The following MTRR variants were observed in gnomAD, a reference collection of about 807,000 sequenced individuals.
The protein encoded by MTRR is 5-methyltetrahydrofolate-homocysteine methyltransferase reductase.
MTRR carries 63 observed loss-of-function variants against 79.2 expected under a neutral mutation model. The observed-to-expected ratio is 0.80, with a 90% CI of 0.65 to 0.98. The LOEUF is 0.98. Ranked by LOEUF, MTRR falls within the 50% of genes least tolerant of loss-of-function variation. The pLI, the probability that MTRR is intolerant of heterozygous loss-of-function variation, is 0.00. For missense variants in MTRR, 895 were observed against 839.6 expected, an observed-to-expected ratio of 1.07 and a Z score of -0.82; for synonymous variants, 355 against 313.3, an observed-to-expected ratio of 1.13 and a Z score of -1.41.
intron 2 of MTRR, chr5:7,872,304 A>G (rs1561150092): frequency 2.3e-6 from 1 of 431,176 alleles, no homozygotes; most frequent in Non-Finnish European, 4.6e-6. Flanking sequence ...GGAGTCTTAC[A>G]AGTAAGACAA....
chr5:7,870,942 G>T lies in MTRR; in HGVS notation c.129+19G>T, dbSNP rs1344405707. The T allele has an allele frequency of 6.2e-7, 1 of 1,614,080 alleles. No homozygotes were observed. The highest frequency in any genetic ancestry group is 8.5e-7 in the Non-Finnish European group (1 of 1,179,968). On this transcript the variant is annotated intron_variant, in intron 2 of 14. Transcript: ENST00000440940. ...CGATAAGGTTAGAGCCGTTACAGTG[G>T]ATTTTACCGTTTTGTGCTTTGAAGA...
chr5:7,894,845 C>CT (rs1159593305), intron 11 of MTRR, among the ~76,000 whole-genome samples: 1 of 152,168 alleles, frequency 6.6e-6, no homozygotes. Context: ...TTTCTGTATC[C>CT]TTAATGCCTG....
chr5:7,866,709 C>G (rs115086471), upstream of MTRR: 1,215 of 1,612,378 alleles, frequency 7.5e-4, 15 homozygotes, highest in African/African-American at 0.015. Context: ...GGATGGCATT[C>G]ATTAAGTGAA....
upstream of MTRR, among the ~76,000 whole-genome samples, chr5:7,868,375 A>T (rs1391354273): frequency 6.6e-6 from 1 of 152,150 alleles, no homozygotes; most frequent in Non-Finnish European, 1.5e-5. Context: ...TTTTACTATC[A>T]TTTTACACGA....
intron 14 of MTRR, 39 bp downstream of exon 14, chr5:7,897,286 C>A (rs1325695316): frequency 3.1e-6 from 5 of 1,597,074 alleles, no homozygotes; most frequent in Non-Finnish European, 4.3e-6. Flanking sequence ...AGGAGAGGGC[C>A]ATCAGTGATG....
At chr5:7,861,308 C>T in intron 1 of MTRR, 1 of 1,118,444 alleles carries the variant, frequency 8.9e-7, no homozygotes, top group South Asian at 1.9e-5. Flanking sequence ...TTTAAATAAT[C>T]CAAAATATTT....
At chr5:7,885,663 T>A in intron 6 of MTRR, 38 bp from the exon 7 acceptor site, 1 of 1,531,982 alleles carries the variant, frequency 6.5e-7, no homozygotes, top group Non-Finnish European at 8.8e-7. Context: ...GTAACACGTA[T>A]AATGTATTTT....
At chr5:7,891,484 T>C in intron 10 of MTRR, 70 bp downstream of exon 10, 2 of 1,301,250 alleles carry the variant, frequency 1.5e-6, no homozygotes, top group Non-Finnish European at 2.2e-6. Context: ...TTCCAGATCA[T>C]TAGAGTTTAC....
chr5:7,890,437 A>G (rs567727893), intron 9 of MTRR: 12 of 984,162 alleles, frequency 1.2e-5, no homozygotes, highest in Middle Eastern at 5.2e-4. Flanking sequence ...GTAGTATTAG[A>G]AAGTTCTCTT....
chr5:7,871,975 C>G (rs1286905016), intron 2 of MTRR, among the ~76,000 whole-genome samples: 1 of 151,054 alleles, frequency 6.6e-6, no homozygotes, highest in East Asian at 1.9e-4. Flanking sequence ...AGTTGATCAG[C>G]AGGTGTTTTG....
At chr5:7,858,423 ATCTAC>A (rs536408074) in intron 1 of MTRR, among the ~76,000 whole-genome samples, 13,267 of 152,172 alleles carry the variant, frequency 0.087, 955 homozygotes, top group East Asian at 0.21. Context: ...ATACATCAGA[ATCTAC>A]CGTGCTTATC....
Position 7,891,410 on chromosome 5 carries a change from G to A in MTRR, c.1366G>A (p.Ala456Thr), listed in dbSNP as rs753958946. Reference sequence around the variant, plus strand: ...ACTTCAACCCAGACCATATTCGTGTGCAAGGTACTACTATTTATTCACGTA... The same window carrying A: ...ACTTCAACCCAGACCATATTCGTGTACAAGGTACTACTATTTATTCACGTA... ...PKLQPRPYSC[A>T]SSSLFHPGKL... The change falls in exon 10 of 15, where the codon GCA becomes ACA. Residue 456 changes from alanine to threonine, a missense_variant. Coordinates refer to ENST00000440940, the MANE Select transcript of MTRR (RefSeq NM_002454.3). 21 of 1,607,986 alleles carry A rather than the reference G, an allele frequency of 1.3e-5. No individual in the cohort carries two copies. The highest frequency in any genetic ancestry group is 1.7e-5 in the Non-Finnish European group (20 of 1,176,640).
rs1802059 is a variant in MTRR at position 7,897,206 on chromosome 5, G to A, written c.1911G>A (p.Ala637=). 0.35 allele frequency: 559,192 copies of A among 1,613,790 alleles called. 99,955 individuals are homozygous for A. The highest frequency in any genetic ancestry group is 0.4 in the Middle Eastern group (2,407 of 6,056). The change falls in exon 14 of 15, where the codon GCG becomes GCA. Residue 637 remains alanine, a synonymous_variant. Transcript: ENST00000440940. ...TCCAGCTTCATGGCCAGCAGGTGGC[G>A]AGAATCCTCCTCCAGGAGAACGGCC... ...DNIQLHGQQV[A]RILLQENGHI...
chr5:7,895,410 A>G (rs547941853), intron 11 of MTRR, among the ~76,000 whole-genome samples: 15 of 152,308 alleles, frequency 9.8e-5, no homozygotes, highest in African/African-American at 3.6e-4. Flanking sequence ...AATATATGCT[A>G]TTGTCTGCCC....
chr5:7,895,435 C>G (rs1457225503), intron 11 of MTRR, among the ~76,000 whole-genome samples: 1 of 152,186 alleles, frequency 6.6e-6, no homozygotes, highest in Non-Finnish European at 1.5e-5. Context: ...GAAAGCAGAT[C>G]TTATCCATAG....
intron 3 of MTRR, 158 bp from the exon 4 acceptor site, chr5:7,875,100 C>T: frequency 1.5e-6 from 1 of 658,622 alleles, no homozygotes; most frequent in South Asian, 1.8e-5. Context: ...TGCCTACATG[C>T]ATAGAATTAC....
Position 7,886,653 on chromosome 5 carries a change from C to T in MTRR, c.1096C>T (p.Leu366Phe), listed in dbSNP as rs1579732478. The change falls in exon 8 of 15, where the codon CTC becomes TTC. Residue 366 changes from leucine to phenylalanine, a missense_variant. Physicochemically the swap from Leu to Phe is conservative, Grantham distance 22. Coordinates refer to ENST00000440940, the MANE Select transcript of MTRR (RefSeq NM_002454.3). ...CCAGCATATACCTGCGGGATGTTCT[C>T]TCCAGTTCATTTTTACCTGGTGTCT... ...LPQHIPAGCSLQFIFTWCLEI... is the reference protein window; with the variant it reads ...LPQHIPAGCSFQFIFTWCLEI... 6.2e-7 allele frequency: 1 copy of T among 1,614,054 alleles called. No individual in the cohort carries two copies. Among genetic ancestry groups the T allele is most frequent in the Non-Finnish European group, 8.5e-7 (1 of 1,179,942 alleles).
chr5:7,857,108 GGTT>G (rs949858097), intron 1 of MTRR, among the ~76,000 whole-genome samples: 1 of 152,042 alleles, frequency 6.6e-6, no homozygotes, highest in African/African-American at 2.4e-5. Context: ...TTGCTGCAGG[GGTT>G]GTGCTAGCAA....
intron 1 of MTRR, chr5:7,861,916 G>C: frequency 2.5e-6 from 1 of 397,472 alleles, no homozygotes; most frequent in Middle Eastern, 4.2e-4. Context: ...GGTATGACAA[G>C]AACCATGCAT....
Sources: allele counts gnomAD v4.1 joint callset (sites outside exome capture counted in the v4.1 genomes callset), GRCh38; gene constraint gnomAD v4.1.1; transcripts MANE v1.5; gene names NCBI Gene and HGNC (gene_info 2026-07-23, HGNC 2026-07-21).